The following DAAM1 variants were observed in gnomAD, a reference collection of about 807,000 sequenced individuals.
DAAM1 encodes the protein dishevelled associated activator of morphogenesis 1.
Under a neutral mutation model 130.0 loss-of-function variants are expected in DAAM1, and 52 were observed. The observed-to-expected ratio is 0.40, with a 90% confidence interval of 0.32 to 0.50. The LOEUF is 0.50. DAAM1 is among the 20% of genes least tolerant of loss of function. The probability of loss-of-function intolerance (pLI) is 0.61; values close to 1 mark genes in which losing one functional copy is unlikely to be tolerated. For synonymous variants in DAAM1, 452 were observed against 444.5 expected, an observed-to-expected ratio of 1.02 and a Z score of -0.21; for missense variants, 1,134 against 1,303.8, an observed-to-expected ratio of 0.87 and a Z score of 2.01.
intron 3 of DAAM1, among the ~76,000 whole-genome samples, chr14:59,303,453 G>C (rs780776589): frequency 8.5e-5 from 13 of 152,182 alleles, no homozygotes; most frequent in Non-Finnish European, 1.5e-4. Context: ...GCATTCCTTA[G>C]AACTGTGGCT....
In DAAM1 at chr14:59,194,041, A is replaced by G. The variant is rs1218079618; in HGVS notation, c.-38+5273A>G. ...TCTAGATGAGGAAACTGAGGCACAG[A>G]GAAGTTAAAGAACTTGCCTAGCTTA... On this transcript the variant is annotated intron_variant, in intron 1 of 24. Coordinates refer to ENST00000360909, the MANE Select transcript of DAAM1 (RefSeq NM_001270520.2). Among the ~76,000 whole-genome samples, 6 of 150,550 alleles carry G rather than the reference A, an allele frequency of 4.0e-5. No individual in the cohort carries two copies. In the East Asian group the frequency reaches 9.6e-4, roughly 24 times the overall value.
At chr14:59,192,149 GGTGTGTGTGTGTGTGTGT>G (rs55791691) in intron 1 of DAAM1, among the ~76,000 whole-genome samples, 25 of 138,650 alleles carry the variant, frequency 1.8e-4, no homozygotes, top group South Asian at 9.9e-4. Context: ...CTTGTTAAGG[GGTGTGTGTGTGTGTGTGT>G]GTGTGTGTGT....
intron 2 of DAAM1, among the ~76,000 whole-genome samples, chr14:59,281,862 G>T (rs982999007): frequency 2.0e-5 from 3 of 152,126 alleles, no homozygotes; most frequent in African/African-American, 4.8e-5. Context: ...TCAGAGCAGA[G>T]ATACTTTTGG....
intron 1 of DAAM1, among the ~76,000 whole-genome samples, chr14:59,244,136 G>C (rs1325699625): frequency 1.3e-5 from 2 of 152,022 alleles, no homozygotes; most frequent in Non-Finnish European, 2.9e-5. Flanking sequence ...CTTTCACTTG[G>C]CTCTCTAATT....
chr14:59,263,099 A>G (rs1191634926), intron 1 of DAAM1, among the ~76,000 whole-genome samples: 7 of 152,244 alleles, frequency 4.6e-5, no homozygotes, highest in Non-Finnish European at 1.0e-4. Flanking sequence ...TCAGTCTTCC[A>G]AGAAGAGTAA....
At chr14:59,296,441 G>T (rs1427385944) in intron 3 of DAAM1, among the ~76,000 whole-genome samples, 4 of 152,176 alleles carry the variant, frequency 2.6e-5, no homozygotes, top group African/African-American at 4.8e-5. Context: ...ACTAGACAGA[G>T]AATCTAGACT....
At chr14:59,352,849 A>T (rs1156684983) in intron 18 of DAAM1, among the ~76,000 whole-genome samples, 1 of 152,134 alleles carries the variant, frequency 6.6e-6, no homozygotes, top group Non-Finnish European at 1.5e-5. Context: ...TTTCACAATT[A>T]TCTCTATTTC....
chr14:59,229,369 C>T (rs1889036721), intron 1 of DAAM1, among the ~76,000 whole-genome samples: 1 of 152,134 alleles, frequency 6.6e-6, no homozygotes, highest in Non-Finnish European at 1.5e-5. Flanking sequence ...AAGCATCACC[C>T]TAAATGATGT....
chr14:59,236,321 T>C (rs79523793), intron 1 of DAAM1, among the ~76,000 whole-genome samples: 3,839 of 152,212 alleles, frequency 0.025, 58 homozygotes, highest in Non-Finnish European at 0.039. Context: ...ATTAGAATTA[T>C]AATGCTCTCT....
intron 10 of DAAM1, 73 bp downstream of exon 10, chr14:59,326,150 A>C: frequency 2.8e-6 from 4 of 1,410,250 alleles, no homozygotes; most frequent in Non-Finnish European, 4.0e-6. Flanking sequence ...TGGCTCCTGC[A>C]CAGTGCTGAT....
intron 3 of DAAM1, among the ~76,000 whole-genome samples, chr14:59,313,015 C>A (rs1421466185): frequency 1.3e-5 from 2 of 152,184 alleles, no homozygotes; most frequent in Non-Finnish European, 2.9e-5. Context: ...TGTCTATTAA[C>A]CTCCTAAGAA....
chr14:59,201,645 A>G (rs1487946690), intron 1 of DAAM1, among the ~76,000 whole-genome samples: 1 of 152,094 alleles, frequency 6.6e-6, no homozygotes, highest in Non-Finnish European at 1.5e-5. Context: ...CTTCTAAAAA[A>G]AAGTAGCTGA....
intron 1 of DAAM1, among the ~76,000 whole-genome samples, chr14:59,212,787 T>G (rs956869849): frequency 6.6e-6 from 1 of 152,230 alleles, no homozygotes; most frequent in Non-Finnish European, 1.5e-5. Flanking sequence ...TTTACATCAT[T>G]TATTTCAGAT....
chr14:59,200,450 C>A (rs1304657622), intron 1 of DAAM1, among the ~76,000 whole-genome samples: 1 of 152,092 alleles, frequency 6.6e-6, no homozygotes, highest in East Asian at 1.9e-4. Context: ...AGTGATGTTC[C>A]ATTTTTTTTT....
intron 1 of DAAM1, among the ~76,000 whole-genome samples, chr14:59,217,848 G>A (rs1006286939): frequency 4.6e-5 from 7 of 152,008 alleles, no homozygotes; most frequent in African/African-American, 9.7e-5. Flanking sequence ...TTAGCCGGGC[G>A]TGGTGGTGGG....
At chr14:59,364,242 C>T (rs897095932) in intron 23 of DAAM1, among the ~76,000 whole-genome samples, 1 of 152,128 alleles carries the variant, frequency 6.6e-6, no homozygotes, top group Non-Finnish European at 1.5e-5. Flanking sequence ...TGAGATACAG[C>T]CTTGGAGGAC....
chr14:59,255,653 G>C (rs187949839), intron 1 of DAAM1, among the ~76,000 whole-genome samples: 8 of 152,124 alleles, frequency 5.3e-5, no homozygotes, highest in Non-Finnish European at 1.0e-4. Flanking sequence ...TAAAGTGGAG[G>C]GTCCCCCAAC....
intron 1 of DAAM1, among the ~76,000 whole-genome samples, chr14:59,231,672 G>A (rs1428633666): frequency 1.3e-5 from 2 of 152,094 alleles, no homozygotes; most frequent in Non-Finnish European, 2.9e-5. Flanking sequence ...TGTATAACAT[G>A]CCAGTAATAA....
chr14:59,250,438 G>A (rs1042412738), intron 1 of DAAM1, among the ~76,000 whole-genome samples: 23 of 152,262 alleles, frequency 1.5e-4, no homozygotes, highest in East Asian at 5.8e-4. Context: ...CAGTGAAACC[G>A]TCTGCATTTA....
Sources: gnomAD v4.1 joint callset for allele counts (sites outside exome capture counted in the v4.1 genomes callset) on GRCh38, gnomAD v4.1.1 for gene constraint, MANE v1.5 for transcripts, NCBI Gene and HGNC (gene_info 2026-07-23, HGNC 2026-07-21) for gene names.